CREB5: variants seen among roughly 807,000 people sequenced by gnomAD.
CREB5 encodes cyclic AMP-responsive element-binding protein 5.
A neutral mutation model predicts 57.1 loss-of-function variants in CREB5; 19 were observed. The ratio of observed to expected loss-of-function variants is 0.33; its 90% CI spans 0.23 to 0.49. The LOEUF (loss-of-function observed/expected upper bound fraction) is 0.49. CREB5 is among the 20% of genes least tolerant of loss of function. CREB5 has a pLI of 0.99. For synonymous variants in CREB5, 238 were observed against 238.3 expected (o/e 1.00, Z 0.01); for missense variants, 579 against 671.6 (o/e 0.86, Z 1.52).
At chr7:28,587,737 G>T (rs1363512118) in intron 5 of CREB5, among the ~76,000 whole-genome samples, 1 of 152,176 alleles carries the variant, frequency 6.6e-6, no homozygotes, top group Non-Finnish European at 1.5e-5. Flanking sequence ...AAGGTTCACG[G>T]TATAGGTTTT....
At chr7:28,393,496 A>G (rs954471285) in intron 1 of CREB5, among the ~76,000 whole-genome samples, 1 of 152,084 alleles carries the variant, frequency 6.6e-6, no homozygotes, top group African/African-American at 2.4e-5. Flanking sequence ...TACCTGTCCT[A>G]TGTTCTCACC....
At chr7:28,330,784 A>G (rs533911774) in intron 1 of CREB5, among the ~76,000 whole-genome samples, 101 of 152,326 alleles carry the variant, frequency 6.6e-4, no homozygotes, top group African/African-American at 2.4e-3. Flanking sequence ...GACACATTCA[A>G]ATTTGCAGTA....
chr7:28,445,831 G>A (rs532342349), intron 1 of CREB5, among the ~76,000 whole-genome samples: 53 of 152,260 alleles, frequency 3.5e-4, no homozygotes, highest in Middle Eastern at 3.4e-3. Flanking sequence ...GATTACAGGC[G>A]TGAGCCACTG....
At chr7:28,770,942 G>A (rs1445061767) in intron 7 of CREB5, among the ~76,000 whole-genome samples, 1 of 152,154 alleles carries the variant, frequency 6.6e-6, no homozygotes, top group Non-Finnish European at 1.5e-5. Flanking sequence ...AAAACAAAAA[G>A]GGGTAACTAG....
At chr7:28,306,803 C>T (rs1287179191) in intron 1 of CREB5, among the ~76,000 whole-genome samples, 1 of 151,884 alleles carries the variant, frequency 6.6e-6, no homozygotes, top group African/African-American at 2.4e-5. Context: ...CCTCGTGATC[C>T]GCCCGCCTCG....
At chr7:28,463,742 A>G (rs1341855036) in intron 1 of CREB5, among the ~76,000 whole-genome samples, 6 of 152,134 alleles carry the variant, frequency 3.9e-5, no homozygotes, top group African/African-American at 7.2e-5. Context: ...TAGAAACACA[A>G]TTGAGTTTTG....
intron 5 of CREB5, among the ~76,000 whole-genome samples, chr7:28,600,585 T>C (rs1796877839): frequency 6.6e-6 from 1 of 152,208 alleles, no homozygotes; most frequent in African/African-American, 2.4e-5. Flanking sequence ...GTAAAAATTA[T>C]GCAGGCCAGA....
At chr7:28,608,917 A>G (rs1218343587) in intron 5 of CREB5, 2 of 152,186 alleles carry the variant, frequency 1.3e-5, no homozygotes, top group African/African-American at 4.8e-5. Context: ...AGATTTTGCA[A>G]TTGTTGGCAT....
intron 5 of CREB5, chr7:28,609,005 A>C (rs1399782738): frequency 2.6e-5 from 4 of 152,192 alleles, no homozygotes; most frequent in African/African-American, 9.7e-5. Context: ...GTATATCTGT[A>C]GTTGTAATAA....
At chr7:28,607,189 C>G (rs1797166453) in intron 5 of CREB5, among the ~76,000 whole-genome samples, 1 of 152,120 alleles carries the variant, frequency 6.6e-6, no homozygotes, top group Admixed American at 6.6e-5. Flanking sequence ...ATTTTCTGCT[C>G]ATCTTTTTAG....
At chr7:28,530,721 A>G (rs1793689410) in intron 4 of CREB5, among the ~76,000 whole-genome samples, 2 of 152,146 alleles carry the variant, frequency 1.3e-5, no homozygotes, top group African/African-American at 2.4e-5. Flanking sequence ...CTTTGACCAC[A>G]GTTGTGATGG....
intron 5 of CREB5, 22 bp from the exon 6 acceptor site, chr7:28,718,731 T>C (rs1021163344): frequency 6.2e-7 from 1 of 1,612,436 alleles, no homozygotes; most frequent in Admixed American, 1.7e-5. Flanking sequence ...ATCATGTTTG[T>C]TTGTTTTTTT....
chr7:28,396,505 CAT>C (rs1192640049), intron 1 of CREB5, among the ~76,000 whole-genome samples: 2 of 151,992 alleles, frequency 1.3e-5, no homozygotes, highest in Admixed American at 1.3e-4. Flanking sequence ...GCAAATTAAA[CAT>C]ATTTTTTCAT....
At chr7:28,527,758 C>T (rs972048785) in intron 4 of CREB5, among the ~76,000 whole-genome samples, 10 of 152,284 alleles carry the variant, frequency 6.6e-5, no homozygotes, top group Admixed American at 5.9e-4. Flanking sequence ...TTTGAGGTTG[C>T]AGTAAGCTTT....
intron 1 of CREB5, among the ~76,000 whole-genome samples, chr7:28,407,002 C>A (rs1321767979): frequency 6.6e-6 from 1 of 151,798 alleles, no homozygotes; most frequent in African/African-American, 2.4e-5. Flanking sequence ...AGAGTGAGTG[C>A]TTCCATAGTA....
At chr7:28,344,888 T>A (rs1209143862) in intron 1 of CREB5, among the ~76,000 whole-genome samples, 1 of 152,128 alleles carries the variant, frequency 6.6e-6, no homozygotes, top group Non-Finnish European at 1.5e-5. Context: ...TAGACTTCAA[T>A]AAACAAAGTC....
At chr7:28,680,079 C>T (rs530182212) in intron 5 of CREB5, among the ~76,000 whole-genome samples, 1 of 152,158 alleles carries the variant, frequency 6.6e-6, no homozygotes, top group Non-Finnish European at 1.5e-5. Flanking sequence ...TATGGCTCAA[C>T]ATTTAAGGGG....
intron 4 of CREB5, among the ~76,000 whole-genome samples, chr7:28,561,504 A>G (rs1795269972): frequency 6.6e-6 from 1 of 152,230 alleles, no homozygotes; most frequent in South Asian, 2.1e-4. Flanking sequence ...ATTAAATGCT[A>G]TGCTTGTATT....
chr7:28,764,360 A>AG (rs34177835), intron 7 of CREB5, among the ~76,000 whole-genome samples: 10 of 14,800 alleles, frequency 6.8e-4, no homozygotes, highest in Non-Finnish European at 2.0e-3. Flanking sequence ...ATTCTCCTGT[A>AG]AAAAAAAAAA....
Sources: allele counts gnomAD v4.1 joint callset (sites outside exome capture counted in the v4.1 genomes callset), GRCh38; gene constraint gnomAD v4.1.1; transcripts MANE v1.5; gene names NCBI Gene and HGNC (gene_info 2026-07-23, HGNC 2026-07-21).